BFAR: variants seen among roughly 807,000 people sequenced by gnomAD.
The protein encoded by BFAR is bifunctional apoptosis regulator.
BFAR carries 52 observed loss-of-function variants against 54.4 expected under a neutral mutation model. That is an observed-to-expected ratio of 0.96 (90% CI 0.77 to 1.21). BFAR has a LOEUF of 1.21. BFAR is among the 50% of genes most tolerant of loss of function. The probability of loss-of-function intolerance (pLI) is 0.00; values close to 1 mark genes in which losing one functional copy is unlikely to be tolerated. For missense variants in BFAR, 571 were observed against 534.0 expected (o/e 1.07, Z -0.68); for synonymous variants, 215 against 204.3 (o/e 1.05, Z -0.45).
At position 14,668,480 on chromosome 16, in the gene BFAR, C is replaced by G. The variant is rs911396567; in HGVS notation, c.*653C>G. The G allele has an allele frequency of 6.6e-6, 1 of 152,486 alleles. No individual in the cohort carries two copies. Among genetic ancestry groups the G allele is most frequent in the Non-Finnish European group, 1.5e-5 (1 of 68,330 alleles). 9.4% of individuals were successfully genotyped at this position (152,486 alleles called of 1,614,324 possible). Reference sequence around the variant, plus strand: ...TTGCTTTATGGAAATCATTGAAGGTCTGGATCCCTTTCTCTGAATGGAGAG... The same window carrying G: ...TTGCTTTATGGAAATCATTGAAGGTGTGGATCCCTTTCTCTGAATGGAGAG... On this transcript the variant is annotated 3_prime_UTR_variant, in exon 8 of 8. Transcript: ENST00000261658.
At chr16:14,659,636 C>T (rs866851839) in intron 5 of BFAR, among the ~76,000 whole-genome samples, 33 of 151,962 alleles carry the variant, frequency 2.2e-4, no homozygotes, top group African/African-American at 6.8e-4. Flanking sequence ...CTGCAAGCTC[C>T]GCCTCCTGGG....
chr16:14,659,410 T>G (rs1240037285), intron 5 of BFAR, among the ~76,000 whole-genome samples: 1 of 151,054 alleles, frequency 6.6e-6, no homozygotes, highest in Non-Finnish European at 1.5e-5. Flanking sequence ...CCGGCTAATT[T>G]TTTTTGTATT....
rs1596999796 is a variant in BFAR at position 14,668,038 on chromosome 16, G to C, written c.*211G>C. 7.0e-6 allele frequency: 4 copies of C among 568,996 alleles called. No homozygotes were observed. The highest frequency in any genetic ancestry group is 4.7e-4 in the Middle Eastern group (1 of 2,142). 35.2% of individuals were successfully genotyped at this position (568,996 alleles called of 1,614,324 possible). A position where few individuals can be genotyped will look rare whatever the true frequency, so the allele number is the denominator to read the frequency against. ...GACATCCGCACAGGGAGGATTGTCT[G>C]TTTGGCTGACACAGCAGCAGCCCTT... On this transcript the variant is annotated 3_prime_UTR_variant, in exon 8 of 8. Coordinates refer to ENST00000261658, the MANE Select transcript of BFAR (RefSeq NM_016561.3).
rs776287445 is a variant in BFAR at position 14,665,010 on chromosome 16, A to T, written c.1099A>T (p.Met367Leu). ...WTSRFLIINA[M>L]LLSVLELFSF... ...ATCACGGTTTCTCATCATCAATGCT[A>T]TGTTACTCTCAGTTCTGGAATTATT... Residue 367 changes from methionine (M) to leucine (L), a missense_variant, in exon 7 of 8, where the codon ATG becomes TTG. By Grantham distance (15) the Met-to-Leu change is conservative. Transcript: ENST00000261658. The T allele has an allele frequency of 1.2e-6, 2 of 1,614,070 alleles. No individual in the cohort carries two copies. The highest frequency in any genetic ancestry group is 1.7e-5 in the Admixed American group (1 of 60,028).
intron 7 of BFAR, 42 bp from the exon 8 acceptor site, chr16:14,667,593 T>C (rs773815164): frequency 6.3e-7 from 1 of 1,575,270 alleles, no homozygotes; most frequent in Non-Finnish European, 8.7e-7. Context: ...GGTGTGGTCA[T>C]GAGAAGCGCC....
At chr16:14,654,568 C>A (rs991915170) in intron 4 of BFAR, among the ~76,000 whole-genome samples, 6 of 139,312 alleles carry the variant, frequency 4.3e-5, no homozygotes, top group Admixed American at 7.7e-5. Flanking sequence ...AGGGCAGTGA[C>A]GAGATCTTAG....
At chr16:14,662,680 G>A (rs1464767374) in intron 6 of BFAR, among the ~76,000 whole-genome samples, 2 of 151,958 alleles carry the variant, frequency 1.3e-5, no homozygotes, top group African/African-American at 4.8e-5. Flanking sequence ...CCACCACCCA[G>A]CTAATTGTTG....
intron 4 of BFAR, among the ~76,000 whole-genome samples, chr16:14,651,978 C>G (rs1389554629): frequency 1.3e-5 from 2 of 149,052 alleles, no homozygotes; most frequent in Non-Finnish European, 3.0e-5. Flanking sequence ...CCTCCGCCTC[C>G]TGGGTTCAAG....
intron 4 of BFAR, among the ~76,000 whole-genome samples, chr16:14,654,174 G>A (rs1960054797): frequency 6.6e-6 from 1 of 151,624 alleles, no homozygotes; most frequent in African/African-American, 2.4e-5. Flanking sequence ...ACGACACCTG[G>A]CTAATTTTTT....
chr16:14,642,162 G>C (rs1959649533), intron 1 of BFAR, among the ~76,000 whole-genome samples: 1 of 152,174 alleles, frequency 6.6e-6, no homozygotes. Flanking sequence ...GGGCGGCGGA[G>C]AGCAATTTTC....
intron 1 of BFAR, among the ~76,000 whole-genome samples, chr16:14,637,655 G>A (rs1369314727): frequency 1.3e-5 from 2 of 152,070 alleles, no homozygotes; most frequent in Non-Finnish European, 2.9e-5. Context: ...GGCCAACATG[G>A]TGAAACCCCA....
intron 1 of BFAR, among the ~76,000 whole-genome samples, chr16:14,641,894 C>T (rs1311170251): frequency 6.6e-6 from 1 of 152,190 alleles, no homozygotes; most frequent in Non-Finnish European, 1.5e-5. Context: ...TGAATTGTTA[C>T]CATTTATGGT....
Position 14,644,303 on chromosome 16 carries a change from G to T in BFAR, c.-44G>T. On this transcript the variant is annotated 5_prime_UTR_variant, in exon 2 of 8. Coordinates refer to ENST00000261658, the MANE Select transcript of BFAR (RefSeq NM_016561.3). ...ATGATGTTTTGCAGCAGTTTTCTAC[G>T]TCTGAAATTTTTTATGTCTCTGGAA... is the stretch of plus-strand genomic sequence containing the variant. 5 of 1,557,578 alleles carry T rather than the reference G, an allele frequency of 3.2e-6. No homozygotes were observed. The highest frequency in any genetic ancestry group is 3.5e-6 in the Non-Finnish European group (4 of 1,145,214).
chr16:14,652,123 G>A lies in BFAR; in HGVS notation c.638+2150G>A, dbSNP rs1003944456. 2.0e-5 allele frequency among the ~76,000 whole-genome samples: 3 copies of A among 151,946 alleles called. No homozygotes were observed. In the South Asian group the frequency reaches 6.2e-4, roughly 32 times the overall value. ...GCTGGTGTTGAACTACTGACCTCAG[G>A]TGATCCACCGCCTTGGCCTCCCAAA... On this transcript the variant is annotated intron_variant, in intron 4 of 7. Transcript: ENST00000261658.
At chr16:14,654,988 G>T (rs1960081038) in intron 4 of BFAR, 78 bp from the exon 5 acceptor site, 1 of 1,346,554 alleles carries the variant, frequency 7.4e-7, no homozygotes, top group Non-Finnish European at 9.9e-7. Flanking sequence ...ATTTATATTA[G>T]TAAGATGGAA....
chr16:14,661,701 G>A (rs371658308), intron 5 of BFAR, among the ~76,000 whole-genome samples, 191 bp from the exon 6 acceptor site: 9 of 152,240 alleles, frequency 5.9e-5, no homozygotes, highest in South Asian at 4.1e-4. Context: ...ACCATGCTCC[G>A]CCAAGATCGA....
At position 14,667,822 on chromosome 16, in the gene BFAR, T is replaced by G; in HGVS notation, c.1348T>G (p.Leu450Val). The G allele has an allele frequency of 6.2e-7, 1 of 1,613,970 alleles. No homozygotes were observed. The highest frequency in any genetic ancestry group is 8.5e-7 in the Non-Finnish European group (1 of 1,179,846). The change falls in exon 8 of 8, where the codon TTG (leucine) becomes GTG (valine). Residue 450 changes from leucine to valine, a missense_variant. By Grantham distance (32) the Leu-to-Val change is conservative. Coordinates refer to ENST00000261658, the MANE Select transcript of BFAR (RefSeq NM_016561.3). ...KELRRLETQV[L>V] ...ACTCCGGCGGCTGGAAACCCAGGTG[T>G]TGTGACTGGCACTGCCCAGGCTGAG...
rs760394664 is a variant in BFAR at position 14,665,001 on chromosome 16, A to G, written c.1090A>G (p.Ile364Val). ...VHYWTSRFLI[I>V]NAMLLSVLEL... ...TTACTGGACATCACGGTTTCTCATC[A>G]TCAATGCTATGTTACTCTCAGTTCT... The change falls in exon 7 of 8, where the codon ATC (isoleucine) becomes GTC (valine). Residue 364 changes from isoleucine to valine, a missense_variant. Transcript: ENST00000261658. 4.0e-5 allele frequency: 64 copies of G among 1,614,094 alleles called. No homozygotes were observed. The highest frequency in any genetic ancestry group is 5.0e-5 in the Non-Finnish European group (59 of 1,179,960).
intron 1 of BFAR, among the ~76,000 whole-genome samples, chr16:14,640,693 G>A (rs1026337739): frequency 2.6e-5 from 4 of 152,196 alleles, no homozygotes; most frequent in Non-Finnish European, 5.9e-5. Context: ...TCACCGTGGT[G>A]AGGCTCACCT....
Sources: allele counts gnomAD v4.1 joint callset (sites outside exome capture counted in the v4.1 genomes callset), GRCh38; gene constraint gnomAD v4.1.1; transcripts MANE v1.5; gene names NCBI Gene and HGNC (gene_info 2026-07-23, HGNC 2026-07-21).